Variants in AGO2 observed in about 807,000 individuals in gnomAD.
AGO2 encodes the protein protein argonaute-2.
AGO2 carries 5 observed loss-of-function variants against 102.3 expected under a neutral mutation model. That is an observed-to-expected ratio of 0.05 (90% CI 0.03 to 0.10). The LOEUF is 0.10. AGO2 is among the 10% of genes least tolerant of loss of function. The probability of loss-of-function intolerance (pLI) is 1.00; values close to 1 mark genes in which losing one functional copy is unlikely to be tolerated. For synonymous variants in AGO2, 449 were observed against 473.1 expected (o/e 0.95, Z 0.66); for missense variants, 541 against 1,183.7 (o/e 0.46, Z 7.97).
rs2072519825 is a variant in AGO2 at position 140,527,088 on chromosome 8, A to G, written c.*4956T>C. ...CTCAAAGACCATGCTTTGGAGAGCC[A>G]CGGTAAGCGACGAGGAATCAAACAG... is the stretch of plus-strand genomic sequence containing the variant. On this transcript the variant is annotated 3_prime_UTR_variant, in exon 19 of 19. Transcript: ENST00000220592. The surrounding 1 kb of genome is among the most constrained non-coding windows in gnomAD (Gnocchi z 6.0). The G allele has an allele frequency of 6.6e-6, 1 of 152,240 alleles. No homozygotes were observed. The highest frequency in any genetic ancestry group is 2.4e-5 in the African/African-American group (1 of 41,458). The allele number at this position is 152,240 out of a possible 1,614,324, so 9.4% of individuals were successfully genotyped here.
chr8:140,597,480 C>CCCCCCCCCCA (rs2073864620), intron 1 of AGO2, among the ~76,000 whole-genome samples: 8 of 132,126 alleles, frequency 6.1e-5, no homozygotes, highest in Admixed American at 7.9e-5. Context: ...CCCCACCCCC[C>CCCCCCCCCCA]CCCCCCCGCC....
rs1237378145 is a variant in AGO2, at chr8:140,522,329, T to C, written c.*9715A>G. The C allele has an allele frequency of 6.6e-6, 1 of 152,112 alleles. No individual in the cohort carries two copies. Among genetic ancestry groups the C allele is most frequent in the Non-Finnish European group, 1.5e-5 (1 of 68,018 alleles). The allele number at this position is 152,112 out of a possible 1,614,324, so 9.4% of individuals were successfully genotyped here. ...ACTGTTTAACTGAGGTAGATCCACA[T>C]TGTAAAGAAAGCTGGGTCCCCTCCA... On this transcript the variant is annotated 3_prime_UTR_variant, in exon 19 of 19. Transcript: ENST00000220592.
At chr8:140,637,027 A>G (rs1272791379), upstream of AGO2, 1 of 152,294 alleles carries the variant, frequency 6.6e-6, no homozygotes, top group Non-Finnish European at 1.5e-5. Context: ...AAGTGTCAGA[A>G]TGGTGGATAC....
chr8:140,586,599 C>T (rs2073660382), intron 1 of AGO2, among the ~76,000 whole-genome samples: 1 of 152,240 alleles, frequency 6.6e-6, no homozygotes, highest in Non-Finnish European at 1.5e-5. Flanking sequence ...GATGACTTTT[C>T]ATAAGCTCAG....
chr8:140,629,607 C>A (rs896312224), intron 1 of AGO2, among the ~76,000 whole-genome samples: 19 of 151,834 alleles, frequency 1.3e-4, no homozygotes, highest in African/African-American at 4.1e-4. Flanking sequence ...TGGGAGGCTG[C>A]GGCAGGTGGG....
In AGO2 at chr8:140,562,481, C is replaced by T. The variant is rs1232302381; in HGVS notation, c.490G>A (p.Val164Met). The change falls in exon 4 of 19, where the codon GTG becomes ATG. Residue 164 changes from valine (V) to methionine (M), a missense_variant. Val to Met is a conservative substitution (Grantham distance 21). Transcript: ENST00000220592. ...ATGGATGGCAAGTGCCTCATGACCA[C>T]GTCCAGGGCCTGGATCGTCTCAAAA... is the stretch of plus-strand genomic sequence containing the variant. ...VPFETIQALD[V>M]VMRHLPSMRY... is the part of the protein sequence containing the mutation. 5 of 1,613,080 alleles carry T rather than the reference C, an allele frequency of 3.1e-6. No individual in the cohort carries two copies. Among genetic ancestry groups the T allele is most frequent in the Admixed American group, 1.7e-5 (1 of 60,012 alleles).
chr8:140,565,999 T>C (rs565345253), intron 3 of AGO2, among the ~76,000 whole-genome samples: 2 of 151,930 alleles, frequency 1.3e-5, no homozygotes, highest in East Asian at 3.9e-4. Context: ...GATTGTGCCA[T>C]TGCTCTCCAG....
intron 4 of AGO2, among the ~76,000 whole-genome samples, chr8:140,561,353 C>A (rs2073198863): frequency 6.6e-6 from 1 of 152,238 alleles, no homozygotes; most frequent in South Asian, 2.1e-4. Flanking sequence ...GCTAATAATC[C>A]CGCCTCTACT....
intron 1 of AGO2, among the ~76,000 whole-genome samples, chr8:140,606,942 T>C (rs1193100223): frequency 6.7e-6 from 1 of 148,892 alleles, no homozygotes. Flanking sequence ...CTCAAAATAA[T>C]AATAATAATA....
intron 1 of AGO2, among the ~76,000 whole-genome samples, chr8:140,586,516 T>A (rs191093700): frequency 2.0e-5 from 3 of 152,164 alleles, no homozygotes; most frequent in African/African-American, 7.2e-5. Context: ...ACAAACAAAC[T>A]GAGTCCTCAA....
chr8:140,584,625 A>C (rs1256036094), intron 2 of AGO2, among the ~76,000 whole-genome samples: 1 of 152,264 alleles, frequency 6.6e-6, no homozygotes, highest in Non-Finnish European at 1.5e-5. Context: ...CGAAATAGGC[A>C]ATAGAGTATT....
chr8:140,577,206 T>TAAAAA (rs2073479429), intron 2 of AGO2, among the ~76,000 whole-genome samples: 1 of 27,310 alleles, frequency 3.7e-5, no homozygotes, highest in Admixed American at 6.1e-4. Flanking sequence ...AGACTCCATC[T>TAAAAA]CAAAAAAAAA....
In AGO2 at chr8:140,531,204, A is replaced by G. The variant is rs2072589552; in HGVS notation, c.*840T>C. ...TATATATATTCTTCTCTTACATTAAAGACATAACAGTGAAAAAGGATTGTA... is the reference window on the plus strand; with the variant it reads ...TATATATATTCTTCTCTTACATTAAGGACATAACAGTGAAAAAGGATTGTA... On this transcript the variant is annotated 3_prime_UTR_variant, in exon 19 of 19. Transcript: ENST00000220592. The G allele has an allele frequency of 6.6e-6, 1 of 152,630 alleles. No homozygotes were observed. The highest frequency in any genetic ancestry group is 1.5e-5 in the Non-Finnish European group (1 of 68,054). 9.5% of individuals were successfully genotyped at this position (152,630 alleles called of 1,614,324 possible). A position where few individuals can be genotyped will look rare whatever the true frequency, so the allele number is the denominator to read the frequency against.
intron 8 of AGO2, 88 bp from the exon 9 acceptor site, chr8:140,556,374 C>G: frequency 6.4e-7 from 1 of 1,550,490 alleles, no homozygotes; most frequent in Admixed American, 1.8e-5. Flanking sequence ...GGTGGCCTGG[C>G]TCTGCTTGGG....
intron 1 of AGO2, among the ~76,000 whole-genome samples, chr8:140,625,956 A>T (rs1036369356): frequency 1.3e-5 from 2 of 152,252 alleles, no homozygotes; most frequent in Non-Finnish European, 2.9e-5. Flanking sequence ...AGCATCTGGC[A>T]AACTGCATAC....
intron 2 of AGO2, among the ~76,000 whole-genome samples, chr8:140,579,628 C>A (rs1256617225): frequency 2.0e-5 from 3 of 152,158 alleles, no homozygotes; most frequent in Non-Finnish European, 4.4e-5. Context: ...CTCTAACCCA[C>A]CACTTCCTAC....
chr8:140,545,400 C>G (rs1342169052), intron 13 of AGO2, among the ~76,000 whole-genome samples: 1 of 152,188 alleles, frequency 6.6e-6, no homozygotes, highest in Non-Finnish European at 1.5e-5. Context: ...TGCGGCCGGC[C>G]TCCCTGCCCC....
intron 14 of AGO2, 99 bp downstream of exon 14, chr8:140,544,114 C>A (rs1215313302): frequency 7.6e-7 from 1 of 1,314,902 alleles, no homozygotes; most frequent in Admixed American, 2.7e-5. Context: ...AGACCCCATG[C>A]CTTTCAGGAA....
At position 140,544,223 on chromosome 8, in the gene AGO2, G is replaced by C; in HGVS notation, c.1829C>G (p.Ser610Cys). 1 of 1,588,738 alleles carries C rather than the reference G, an allele frequency of 6.3e-7. No individual in the cohort carries two copies. ...HPPAGDGKKP[S>C]IAAVVGSMDA... ...AGCGCTGACACTCACGGCGGCAATG[G>C]AGGGCTTCTTCCCATCCCCGGCGGG... The change falls in exon 14 of 19, where the codon TCC (serine) becomes TGC (cysteine). Residue 610 changes from serine (S) to cysteine (C), a missense_variant. Ser to Cys is a moderately radical substitution (Grantham distance 112). This residue lies in a region of AGO2 where 309 missense variants were observed against 735.1 expected (regional missense o/e 0.42). Transcript: ENST00000220592.
Sources: allele counts gnomAD v4.1 joint callset (sites outside exome capture counted in the v4.1 genomes callset), GRCh38; gene constraint gnomAD v4.1.1; regional missense constraint gnomAD v4.1.1; non-coding constraint Gnocchi (gnomAD v3.1); transcripts MANE v1.5; gene names NCBI Gene and HGNC (gene_info 2026-07-23, HGNC 2026-07-21).